Variants in SKIC3 observed in about 807,000 individuals in gnomAD.
The protein encoded by SKIC3 is superkiller complex protein 3.
At chr5:95,476,888 T>C in the SKIC3 span, among the ~76,000 whole-genome samples, 1 of 152,174 alleles carries the variant, frequency 6.6e-6, no homozygotes, top group African/African-American at 2.4e-5. Context: ...TTAATAAGAG[T>C]AAAGCATTTA....
At chr5:95,488,702 C>T in the SKIC3 span, among the ~76,000 whole-genome samples, 4 of 151,962 alleles carry the variant, frequency 2.6e-5, no homozygotes, top group African/African-American at 7.3e-5. Context: ...AGAGAACAGA[C>T]AACATTTACC....
chr5:95,542,139 TATATC>T, the SKIC3 span, among the ~76,000 whole-genome samples: 1 of 152,100 alleles, frequency 6.6e-6, no homozygotes, highest in Non-Finnish European at 1.5e-5. Context: ...AATAAAGAGG[TATATC>T]ATTCCCTTTT....
At chr5:95,531,425 C>T in the SKIC3 span, among the ~76,000 whole-genome samples, 6 of 152,278 alleles carry the variant, frequency 3.9e-5, no homozygotes, top group South Asian at 1.2e-3. Context: ...TATTATGCTT[C>T]CAGGCATGAA....
chr5:95,483,199 T>C, the SKIC3 span, among the ~76,000 whole-genome samples: 89 of 152,294 alleles, frequency 5.8e-4, no homozygotes, highest in African/African-American at 2.1e-3. Context: ...ATAAATGTAT[T>C]GTATATACTT....
At chr5:95,506,819 A>G in the SKIC3 span, 2 of 1,054,032 alleles carry the variant, frequency 1.9e-6, no homozygotes, top group South Asian at 1.3e-5. Flanking sequence ...TATGGAAATT[A>G]TGTATCCTAC....
chr5:95,473,242 C>T, the SKIC3 span, among the ~76,000 whole-genome samples: 1 of 152,116 alleles, frequency 6.6e-6, no homozygotes, highest in Non-Finnish European at 1.5e-5. Context: ...TAAGCATTCC[C>T]TTTTCTCTGC....
chr5:95,540,442 C>G, the SKIC3 span, among the ~76,000 whole-genome samples: 14 of 151,158 alleles, frequency 9.3e-5, no homozygotes, highest in Non-Finnish European at 1.9e-4. Flanking sequence ...TCCTCAAAAA[C>G]TTATGAAAAT....
At chr5:95,503,020 AAAAC>A in the SKIC3 span, 4 of 1,613,586 alleles carry the variant, frequency 2.5e-6, no homozygotes, top group East Asian at 2.2e-5. Context: ...CATAGAAGTG[AAAAC>A]AAACAAAACA....
chr5:95,482,692 A>G, the SKIC3 span: 3,832 of 1,585,422 alleles, frequency 2.4e-3, 79 homozygotes, highest in African/African-American at 0.042. Flanking sequence ...AAAAGTAAAA[A>G]GCATTATTCT....
chr5:95,523,273 C>T, the SKIC3 span: 5 of 1,613,710 alleles, frequency 3.1e-6, no homozygotes, highest in African/African-American at 2.7e-5. Context: ...CCCATTTTGC[C>T]GTTCCAGCAC....
the SKIC3 span, among the ~76,000 whole-genome samples, chr5:95,536,358 T>G: frequency 2.6e-5 from 4 of 152,222 alleles, no homozygotes; most frequent in African/African-American, 9.6e-5. Flanking sequence ...CAAAAATCCT[T>G]TCTGTGATAT....
chr5:95,527,583 C>T, the SKIC3 span, among the ~76,000 whole-genome samples: 65 of 152,176 alleles, frequency 4.3e-4, no homozygotes, highest in African/African-American at 1.5e-3. Context: ...ACTAAGAAAT[C>T]GGTTTCATTA....
the SKIC3 span, chr5:95,516,314 T>C: frequency 1.2e-6 from 2 of 1,604,918 alleles, no homozygotes; most frequent in East Asian, 2.2e-5. Flanking sequence ...ATAGAAAACA[T>C]TCTTTGTTTT....
the SKIC3 span, chr5:95,522,183 T>C: frequency 4.3e-6 from 7 of 1,613,816 alleles, no homozygotes; most frequent in Non-Finnish European, 5.9e-6. Flanking sequence ...GATTCTGGGT[T>C]CAGCTCACTG....
At chr5:95,476,245 C>T in the SKIC3 span, among the ~76,000 whole-genome samples, 3 of 152,126 alleles carry the variant, frequency 2.0e-5, no homozygotes, top group South Asian at 4.1e-4. Flanking sequence ...AGTTGAATGC[C>T]GCAGCCCTGG....
chr5:95,494,364 G>T, the SKIC3 span, among the ~76,000 whole-genome samples: 1 of 152,064 alleles, frequency 6.6e-6, no homozygotes, highest in East Asian at 1.9e-4. Context: ...ACAAATAAAT[G>T]CAAGATTGAT....
the SKIC3 span, chr5:95,516,589 G>A: frequency 1.2e-6 from 2 of 1,613,192 alleles, no homozygotes; most frequent in Non-Finnish European, 8.5e-7. Context: ...TCCAATACCT[G>A]AAAAATACAA....
chr5:95,468,202 A>G, the SKIC3 span, among the ~76,000 whole-genome samples: 1 of 152,176 alleles, frequency 6.6e-6, no homozygotes, highest in Non-Finnish European at 1.5e-5. Flanking sequence ...GTTTATACAT[A>G]TGGCTGTATT....
At chr5:95,539,636 G>A in the SKIC3 span, among the ~76,000 whole-genome samples, 6 of 152,120 alleles carry the variant, frequency 3.9e-5, no homozygotes, top group African/African-American at 7.2e-5. Flanking sequence ...TTGAGGTCAG[G>A]AGTTTGAGAT....
Sources: allele counts gnomAD v4.1 joint callset (sites outside exome capture counted in the v4.1 genomes callset), GRCh38; gene constraint gnomAD v4.1.1; transcripts MANE v1.5; gene names NCBI Gene and HGNC (gene_info 2026-07-23, HGNC 2026-07-21).